Variants in JMJD7 observed in about 807,000 individuals in gnomAD.
JMJD7 encodes the protein jumonji domain containing 7.
In JMJD7, 41 loss-of-function variants were observed where a neutral mutation model predicts 41.1. The observed-to-expected ratio is 1.00, with a 90% CI of 0.78 to 1.30. The LOEUF is 1.30. Ranked by LOEUF, JMJD7 falls within the 50% of genes most tolerant of loss-of-function variation. The pLI is 0.00. For synonymous variants in JMJD7, 202 were observed against 177.2 expected (o/e 1.14, Z -1.11); for missense variants, 480 against 420.7 (o/e 1.14, Z -1.23).
At chr15:41,835,670 G>C in intron 4 of JMJD7, 26 bp downstream of exon 4, 1 of 1,608,884 alleles carries the variant, frequency 6.2e-7, no homozygotes, top group Admixed American at 1.7e-5. Context: ...ATACAAAGGT[G>C]GGGAAGGAGC....
chr15:41,832,175 G>A (rs1485164451), intron 1 of JMJD7, among the ~76,000 whole-genome samples: 3 of 152,226 alleles, frequency 2.0e-5, no homozygotes, highest in Non-Finnish European at 4.4e-5. Context: ...CTAGCTGTGC[G>A]CAGTGGCCAA....
intron 4 of JMJD7, 44 bp from the exon 5 acceptor site, chr15:41,836,104 C>G (rs779886035): frequency 1.4e-5 from 22 of 1,543,284 alleles, no homozygotes; most frequent in Non-Finnish European, 1.8e-5. Context: ...CTCCCGTGCC[C>G]CTGCCCTCCA....
chr15:41,836,988 G>T (rs1040720460), intron 7 of JMJD7, 48 bp downstream of exon 7: 1 of 1,610,312 alleles, frequency 6.2e-7, no homozygotes. Context: ...TCAAGGTCCA[G>T]CAGGGCCTCT....
intron 1 of JMJD7, among the ~76,000 whole-genome samples, chr15:41,830,468 C>G (rs925675947): frequency 7.2e-5 from 11 of 152,346 alleles, no homozygotes; most frequent in South Asian, 4.1e-4. Flanking sequence ...CTGGCGGGAA[C>G]TGGGGACAAG....
At chr15:41,836,682 G>C in intron 6 of JMJD7, 99 bp from the exon 7 acceptor site, 1 of 1,476,824 alleles carries the variant, frequency 6.8e-7, no homozygotes, top group South Asian at 1.4e-5. Flanking sequence ...TTTCACTGCT[G>C]AGCCAAGCAG....
chr15:41,828,209 C>G (rs1355911851), intron 1 of JMJD7, 21 bp downstream of exon 1: 13 of 1,500,458 alleles, frequency 8.7e-6, no homozygotes, highest in South Asian at 1.4e-5. Context: ...CTCCCACAGG[C>G]TGCGGCGATT....
rs370994920 is a variant in JMJD7 at position 41,836,252 on chromosome 15, T to C, written c.625+9T>C. On this transcript the variant is annotated intron_variant, in intron 5 of 7. Coordinates refer to ENST00000397299, the MANE Select transcript of JMJD7 (RefSeq NM_001114632.2). ...GCCCTTCATCCCCTATGGTAGGGGA[T>C]GTGGCCTGCAGGGAGGGGCTGGGGA... is the stretch of plus-strand genomic sequence containing the variant. The C allele has an allele frequency of 1.7e-5, 28 of 1,612,072 alleles. No individual in the cohort carries two copies. The highest frequency in any genetic ancestry group is 2.3e-5 in the Non-Finnish European group (27 of 1,179,244).
intron 5 of JMJD7, 43 bp downstream of exon 5, chr15:41,836,286 C>T (rs563518549): frequency 2.5e-6 from 4 of 1,609,626 alleles, no homozygotes; most frequent in Admixed American, 1.7e-5. Flanking sequence ...GAACAGCTGG[C>T]CCAAGGGGGA....
At chr15:41,834,647 C>A in intron 1 of JMJD7, 93 bp from the exon 2 acceptor site, 1 of 1,534,514 alleles carries the variant, frequency 6.5e-7, no homozygotes, top group Non-Finnish European at 8.8e-7. Context: ...CCCAGTGACA[C>A]AGCGCGGCCT....
Position 41,834,785 on chromosome 15 carries a change from C to T in JMJD7, c.110C>T (p.Thr37Ile), listed in dbSNP as rs200665426. Residue 37 changes from threonine to isoleucine, a missense_variant, in exon 2 of 8, where the codon ACT becomes ATT. Thr to Ile is a moderately conservative substitution (Grantham distance 89). Coordinates refer to ENST00000397299, the MANE Select transcript of JMJD7 (RefSeq NM_001114632.2). ...GTGCCCTACCTGGACAAACCCCCAACTCCGCTCCACTTCTACCGGGACTGG... is the reference window on the plus strand; with the variant it reads ...GTGCCCTACCTGGACAAACCCCCAATTCCGCTCCACTTCTACCGGGACTGG... ...LAVPYLDKPP[T>I]PLHFYRDWVC... is the part of the protein sequence containing the mutation. The T allele has an allele frequency of 6.8e-6, 11 of 1,614,224 alleles. No homozygotes were observed. The South Asian group carries it at 1.2e-4, about 18-fold the overall frequency.
chr15:41,837,046 C>T (rs755473089), intron 7 of JMJD7, 22 bp from the exon 8 acceptor site: 39 of 1,603,182 alleles, frequency 2.4e-5, no homozygotes, highest in Non-Finnish European at 3.2e-5. Flanking sequence ...TCTTCATGCT[C>T]AGATCCCCGT....
intron 1 of JMJD7, among the ~76,000 whole-genome samples, chr15:41,828,842 G>C (rs899541478): frequency 1.2e-3 from 178 of 152,152 alleles, no homozygotes; most frequent in African/African-American, 4.2e-3. Context: ...TGTACAAATA[G>C]TAGCCTGCTA....
chr15:41,835,784 C>T (rs1009866405), intron 4 of JMJD7, 140 bp downstream of exon 4: 7 of 1,076,980 alleles, frequency 6.5e-6, no homozygotes, highest in Non-Finnish European at 6.6e-6. Flanking sequence ...AGGACTCGGG[C>T]ACCACAGAGG....
Position 41,836,861 on chromosome 15 carries a change from C to T in JMJD7, c.783C>T (p.Cys261=), listed in dbSNP as rs371110714. The T allele has an allele frequency of 4.6e-5, 74 of 1,613,256 alleles. No homozygotes were observed. The highest frequency in any genetic ancestry group is 6.1e-5 in the Non-Finnish European group (72 of 1,179,808). Reference sequence around the variant, plus strand: ...ACAGTCAGGCCCAGGCCCTTCGCTGCACGGTGCGGGCCGGTGAGATGCTCT... The same window carrying T: ...ACAGTCAGGCCCAGGCCCTTCGCTGTACGGTGCGGGCCGGTGAGATGCTCT... ...PSYSQAQALR[C]TVRAGEMLYL... is the part of the protein sequence containing the mutation. The change falls in exon 7 of 8, where the codon TGC becomes TGT. Residue 261 remains cysteine (C), a synonymous_variant. Transcript: ENST00000397299.
Position 41,836,156 on chromosome 15 carries a change from G to A in JMJD7, c.538G>A (p.Asp180Asn). ...CTTCTTTCTGTTGGCAGTGCACAAG[G>A]ACCACTATGAGAACCTCTACTGCGT... is the stretch of plus-strand genomic sequence containing the variant. ...EAAAVTSLHK[D>N]HYENLYCVVS... Residue 180 changes from aspartate to asparagine, a missense_variant, in exon 5 of 8, where the codon GAC becomes AAC. Asp to Asn is a conservative substitution (Grantham distance 23). Transcript: ENST00000397299. The A allele has an allele frequency of 1.2e-6, 2 of 1,603,008 alleles. No individual in the cohort carries two copies. The highest frequency in any genetic ancestry group is 2.2e-5 in the South Asian group (2 of 89,532).
intron 1 of JMJD7, among the ~76,000 whole-genome samples, chr15:41,831,651 G>C (rs1281513324): frequency 4.6e-5 from 7 of 152,198 alleles, no homozygotes; most frequent in Non-Finnish European, 1.0e-4. Flanking sequence ...CTACCTGCCT[G>C]CAGAGAGAGG....
chr15:41,829,010 A>T (rs1057375346), intron 1 of JMJD7: 8 of 152,254 alleles, frequency 5.3e-5, no homozygotes, highest in African/African-American at 1.4e-4. Context: ...TTGAGGATTG[A>T]TTTAACAAAT....
In JMJD7 at chr15:41,828,122, G is replaced by C. The variant is rs748096102; in HGVS notation, c.-3G>C. The C allele has an allele frequency of 2.7e-6, 4 of 1,458,228 alleles. No homozygotes were observed. Among genetic ancestry groups the C allele is most frequent in the Non-Finnish European group, 3.6e-6 (4 of 1,108,572 alleles). The allele number at this position is 1,458,228 out of a possible 1,614,324, so 90.3% of individuals were successfully genotyped here. A position where few individuals can be genotyped will look rare whatever the true frequency, so the allele number is the denominator to read the frequency against. ...CGGGGTCTCGGCCGGCGCTGACGCA[G>C]CCATGGCGGAGGCGGCTTTGGAAGC... On this transcript the variant is annotated 5_prime_UTR_variant, in exon 1 of 8. Coordinates refer to ENST00000397299, the MANE Select transcript of JMJD7 (RefSeq NM_001114632.2).
chr15:41,830,021 G>C (rs1208381305), intron 1 of JMJD7, among the ~76,000 whole-genome samples: 1 of 152,188 alleles, frequency 6.6e-6, no homozygotes, highest in East Asian at 1.9e-4. Flanking sequence ...GGCTGCAGTG[G>C]GGAGGCACAA....
Sources: gnomAD v4.1 joint callset for allele counts (sites outside exome capture counted in the v4.1 genomes callset) on GRCh38, gnomAD v4.1.1 for gene constraint, MANE v1.5 for transcripts, NCBI Gene and HGNC (gene_info 2026-07-23, HGNC 2026-07-21) for gene names.